Variants in OAS3 observed in about 807,000 individuals in gnomAD.
OAS3 encodes 2'-5'-oligoadenylate synthetase 3.
Under a neutral mutation model 113.0 loss-of-function variants are expected in OAS3, and 107 were observed. The observed-to-expected ratio is 0.95, with a 90% CI of 0.81 to 1.11. The LOEUF (loss-of-function observed/expected upper bound fraction) is 1.11, where lower values mean the gene tolerates loss of function less well. OAS3 is among the 50% of genes most tolerant of loss of function. The pLI, the probability that OAS3 is intolerant of heterozygous loss-of-function variation, is 0.00. For missense variants in OAS3, 1,258 were observed against 1,389.1 expected (o/e 0.91, Z 1.50); for synonymous variants, 552 against 573.6 (o/e 0.96, Z 0.54).
rs1394164128 is a variant in OAS3 at position 112,962,608 on chromosome 12, A to T, written c.1834-44A>T. On this transcript the variant is annotated intron_variant, in intron 8 of 15. Transcript: ENST00000228928. ...AAGTGCTTATGGCCACACTCAGCTC[A>T]CATCCACTAATCACTCATCTTTGGT... 4 of 1,601,302 alleles carry T rather than the reference A, an allele frequency of 2.5e-6. No individual in the cohort carries two copies. In the African/African-American group the frequency reaches 5.4e-5, roughly 21 times the overall value.
At chr12:112,943,858 C>T (rs974913968) in intron 2 of OAS3, among the ~76,000 whole-genome samples, 3 of 152,082 alleles carry the variant, frequency 2.0e-5, no homozygotes, top group Non-Finnish European at 4.4e-5. Flanking sequence ...GGATTACAGG[C>T]GAGTGCCAAC....
rs2043980769 is a variant in OAS3, at chr12:112,971,177, C to A, written c.*1204C>A. On this transcript the variant is annotated 3_prime_UTR_variant, in exon 16 of 16. Coordinates refer to ENST00000228928, the MANE Select transcript of OAS3 (RefSeq NM_006187.4). Reference sequence around the variant, plus strand: ...GGCTGGAGGAGCAGAAGGCAGAGGCCACCACTGGACTATTGGTTTCAATAT... The same window carrying A: ...GGCTGGAGGAGCAGAAGGCAGAGGCAACCACTGGACTATTGGTTTCAATAT... The A allele has an allele frequency of 2.0e-5, 3 of 152,314 alleles. No homozygotes were observed. The highest frequency in any genetic ancestry group is 7.2e-5 in the African/African-American group (3 of 41,458). The allele number at this position is 152,314 out of a possible 1,614,324, so 9.4% of individuals were successfully genotyped here.
intron 3 of OAS3, 127 bp downstream of exon 3, chr12:112,944,778 C>A (rs1048303767): frequency 3.0e-6 from 3 of 990,422 alleles, no homozygotes; most frequent in Non-Finnish European, 4.6e-6. Context: ...CTGTTTATGT[C>A]CCTTGTGCAT....
In OAS3 at chr12:112,967,655, C is replaced by T. The variant is rs553597347; in HGVS notation, c.2865+62C>T. The T allele has an allele frequency of 1.1e-4, 166 of 1,548,492 alleles. 1 individual carries two copies. In the African/African-American group the frequency reaches 2.1e-3, roughly 19 times the overall value. Reference sequence around the variant, plus strand: ...CTGGGATCTGCCTCTGGAGCACTTTCCTGGGAGGAAGCAGGGCCCAGCCCT... The same window carrying T: ...CTGGGATCTGCCTCTGGAGCACTTTTCTGGGAGGAAGCAGGGCCCAGCCCT... On this transcript the variant is annotated intron_variant, in intron 13 of 15. Coordinates refer to ENST00000228928, the MANE Select transcript of OAS3 (RefSeq NM_006187.4).
intron 3 of OAS3, 101 bp from the exon 4 acceptor site, chr12:112,946,642 C>T: frequency 2.0e-6 from 2 of 1,022,634 alleles, no homozygotes; most frequent in Non-Finnish European, 2.9e-6. Flanking sequence ...AGCATCTTGC[C>T]TCAGGCTCGG....
chr12:112,966,703 ACCAT>A (rs1813078838), intron 12 of OAS3, among the ~76,000 whole-genome samples: 1 of 152,074 alleles, frequency 6.6e-6, no homozygotes, highest in African/African-American at 2.4e-5. Flanking sequence ...GTGCAGTGGC[ACCAT>A]CATGACTCAA....
intron 13 of OAS3, 21 bp from the exon 14 acceptor site, chr12:112,967,915 A>G: frequency 6.2e-7 from 1 of 1,608,030 alleles, no homozygotes; most frequent in Non-Finnish European, 8.5e-7. Context: ...GAACCAACAT[A>G]TCTTTCTTCT....
Position 112,944,501 on chromosome 12 carries a change from C to T in OAS3, c.486C>T (p.Pro162=), listed in dbSNP as rs777765169. The T allele has an allele frequency of 1.0e-4, 163 of 1,613,796 alleles. 1 individual carries two copies. The highest frequency in any genetic ancestry group is 1.3e-4 in the Non-Finnish European group (149 of 1,179,896). Reference sequence around the variant, plus strand: ...GTCAGGCCGGCTCCGGCGTCAAACCCAAGCCACAAGTCTACTCTACCCTCC... The same window carrying T: ...GTCAGGCCGGCTCCGGCGTCAAACCTAAGCCACAAGTCTACTCTACCCTCC... ...VLGQAGSGVK[P]KPQVYSTLLN... Residue 162 remains proline (P), a synonymous_variant, in exon 3 of 16, where the codon CCC becomes CCT. Transcript: ENST00000228928.
At position 112,968,042 on chromosome 12, in the gene OAS3, TG is replaced by T. The variant is rs753729542; in HGVS notation, c.2974del (p.Ala992LeufsTer36). ...GGCGGGAAGGACTCCCAGTTCAACATGGCTGAGGGCTTCCGCACGGTCCTGG... is the reference window on the plus strand; with the variant it reads ...GGCGGGAAGGACTCCCAGTTCAACATGCTGAGGGCTTCCGCACGGTCCTGG... Reference protein sequence around the residue: ...EQGGKDSQFNMAEGFRTVLEL... With the variant: ...EQGGKDSQFNXAEGFRTVLEL... On this transcript the variant is annotated frameshift_variant, in exon 14 of 16. Transcript: ENST00000228928. LOFTEE classifies it high-confidence loss of function. The T allele has an allele frequency of 4.0e-5, 64 of 1,613,912 alleles. No individual in the cohort carries two copies. The highest frequency in any genetic ancestry group is 5.4e-5 in the Non-Finnish European group (64 of 1,179,896).
chr12:112,958,095 A>C (rs1464099285), intron 7 of OAS3, among the ~76,000 whole-genome samples: 1 of 152,120 alleles, frequency 6.6e-6, no homozygotes, highest in Non-Finnish European at 1.5e-5. Context: ...TTGATCTTCA[A>C]TCACTGATAC....
chr12:112,959,640 C>T lies in OAS3; in HGVS notation c.1658-1431C>T, dbSNP rs556067942. 4.6e-5 allele frequency among the ~76,000 whole-genome samples: 7 copies of T among 152,246 alleles called. No homozygotes were observed. The South Asian group carries it at 1.0e-3, about 23-fold the overall frequency. On this transcript the variant is annotated intron_variant, in intron 7 of 15. Transcript: ENST00000228928. ...TTGTCTATTCTCTACTTCTGGAACT[C>T]CTGTTAGATGGTTTCTTATCTCATC...
At chr12:112,960,246 A>C (rs2043870256) in intron 7 of OAS3, among the ~76,000 whole-genome samples, 1 of 152,090 alleles carries the variant, frequency 6.6e-6, no homozygotes, top group South Asian at 2.1e-4. Context: ...ACAGTCTGGG[A>C]TTTCCTCACC....
rs771816224 is a variant in OAS3 at position 112,962,813 on chromosome 12, T to A, written c.1995T>A (p.His665Gln). 17 of 1,614,030 alleles carry A rather than the reference T, an allele frequency of 1.1e-5. No individual in the cohort carries two copies. The South Asian group carries it at 1.9e-4, about 18-fold the overall frequency. ...CGGTGCTGGGGCTCGTGCAACAGCA[T>A]CAGCAGCTCTGTGTCTACTGGACGG... ...FRTVLGLVQQ[H>Q]QQLCVYWTVN... is the part of the protein sequence containing the mutation. Residue 665 changes from histidine (H) to glutamine (Q), a missense_variant, in exon 9 of 16, where the codon CAT (histidine) becomes CAA (glutamine). His to Gln is a conservative substitution (Grantham distance 24). Transcript: ENST00000228928.
rs1257100253 is a variant in OAS3, at chr12:112,963,064, A to G, written c.2084+162A>G. On this transcript the variant is annotated intron_variant, in intron 9 of 15. Transcript: ENST00000228928. This position sits in a 1 kb window ranked among gnomAD's most constrained non-coding sequence, Gnocchi z 4.6. The stretch of plus-strand genomic sequence containing the variant: ...TCTTTGCTGAGGAAGTGTGGACATA[A>G]GGAGTCCCAAAAGAAACCAGGGCCA... Among the ~76,000 whole-genome samples the G allele has an allele frequency of 2.0e-5, 3 of 152,308 alleles. No homozygotes were observed. Among genetic ancestry groups the G allele is most frequent in the Middle Eastern group, 3.4e-3 (1 of 294 alleles).
At chr12:112,955,259 A>G (rs1182533200) in intron 7 of OAS3, among the ~76,000 whole-genome samples, 1 of 152,210 alleles carries the variant, frequency 6.6e-6, no homozygotes, top group Non-Finnish European at 1.5e-5. Context: ...CAATCATGTC[A>G]TTTGCAAACA....
rs762323816 is a variant in OAS3, at chr12:112,967,487, CGGGCGAG to C, written c.2760_2766del (p.Gly921ThrfsTer20). On this transcript the variant is annotated frameshift_variant, in exon 13 of 16. Transcript: ENST00000228928. LOFTEE classifies it high-confidence loss of function. ...GACCTCATCCACAGCTACAGCAATG[CGGGCGAG>C]TACTCCACCTGCTTCACAGAGCTAC... 1 of 1,613,580 alleles carries C rather than the reference CGGGCGAG, an allele frequency of 6.2e-7. No individual in the cohort carries two copies. Among genetic ancestry groups the C allele is most frequent in the Admixed American group, 1.7e-5 (1 of 59,976 alleles).
intron 8 of OAS3, among the ~76,000 whole-genome samples, chr12:112,962,328 A>G (rs1351641675): frequency 2.6e-5 from 4 of 152,180 alleles, no homozygotes; most frequent in Non-Finnish European, 5.9e-5. Context: ...AAATATTCCT[A>G]AAGGCTGCTG....
At chr12:112,951,900 T>C (rs534558219) in intron 7 of OAS3, among the ~76,000 whole-genome samples, 10 of 149,586 alleles carry the variant, frequency 6.7e-5, no homozygotes, top group African/African-American at 2.2e-4. Context: ...TAATCCCAGC[T>C]ACTCGGGAGA....
rs898427956 is a variant in OAS3 at position 112,967,494 on chromosome 12, G to A, written c.2766G>A (p.Glu922=). ...TCCACAGCTACAGCAATGCGGGCGA[G>A]TACTCCACCTGCTTCACAGAGCTAC... ...DLIHSYSNAG[E]YSTCFTELQR... is the part of the protein sequence containing the mutation. Residue 922 remains glutamate (E), a synonymous_variant, in exon 13 of 16, where the codon GAG becomes GAA. Coordinates refer to ENST00000228928, the MANE Select transcript of OAS3 (RefSeq NM_006187.4). The A allele has an allele frequency of 1.2e-6, 2 of 1,613,788 alleles. No homozygotes were observed. The highest frequency in any genetic ancestry group is 1.7e-6 in the Non-Finnish European group (2 of 1,179,830).
Sources: allele counts gnomAD v4.1 joint callset (sites outside exome capture counted in the v4.1 genomes callset), GRCh38; gene constraint gnomAD v4.1.1; non-coding constraint Gnocchi (gnomAD v3.1); transcripts MANE v1.5; gene names NCBI Gene and HGNC (gene_info 2026-07-23, HGNC 2026-07-21).